NDEL1: variants seen among roughly 807,000 people sequenced by gnomAD.
The protein encoded by NDEL1 is nudE neurodevelopment protein 1 like 1, also known as nuclear distribution protein nudE-like 1.
In NDEL1, 9 loss-of-function variants were observed where a neutral mutation model predicts 45.7. The observed-to-expected ratio is 0.20, with a 90% CI of 0.12 to 0.34. The LOEUF is 0.34. Ranked by LOEUF, NDEL1 falls within the 10% of genes least tolerant of loss-of-function variation. The pLI, the probability that NDEL1 is intolerant of heterozygous loss-of-function variation, is 1.00. For missense variants in NDEL1, 306 were observed against 406.2 expected, an observed-to-expected ratio of 0.75 and a Z score of 2.12; for synonymous variants, 133 against 158.6, an observed-to-expected ratio of 0.84 and a Z score of 1.21.
At chr17:8,460,908 T>C (rs1168785288) in intron 8 of NDEL1, among the ~76,000 whole-genome samples, 2 of 152,246 alleles carry the variant, frequency 1.3e-5, no homozygotes, top group Non-Finnish European at 2.9e-5. Flanking sequence ...TTCCATGTCA[T>C]GTATATTATT....
chr17:8,418,049 G>A lies in NDEL1; in HGVS notation c.-13+4780G>A, dbSNP rs186585037. ...CCTCCAGTTACTGAGACTTTCTGGAGTTAGAGGCCCAGCACTGCTTGCTTC... is the reference window on the plus strand; with the variant it reads ...CCTCCAGTTACTGAGACTTTCTGGAATTAGAGGCCCAGCACTGCTTGCTTC... On this transcript the variant is annotated intron_variant, in intron 1 of 4. Transcript: ENST00000582812. Among the ~76,000 whole-genome samples, 670 of 152,314 alleles carry A rather than the reference G, an allele frequency of 4.4e-3. 6 individuals carry two copies. The highest frequency in any genetic ancestry group is 0.041 in the Middle Eastern group (12 of 294).
In NDEL1 at chr17:8,450,960, A is replaced by G. The variant is rs1362491488; in HGVS notation, c.700+7A>G. 1.2e-6 allele frequency: 2 copies of G among 1,601,268 alleles called. No homozygotes were observed. Among genetic ancestry groups the G allele is most frequent in the Non-Finnish European group, 1.7e-6 (2 of 1,175,308 alleles). On this transcript the variant is annotated splice_region_variant and intron_variant, in intron 6 of 8. Coordinates refer to ENST00000334527, the MANE Select transcript of NDEL1 (RefSeq NM_030808.5). ...ACTTTTCCTTCACCGAAAGGTTTGT[A>G]ATGTCTTTTCTTTTTGAGGCGATGT...
intron 3 of NDEL1, chr17:8,446,092 G>A (rs2151717664): frequency 2.9e-6 from 1 of 339,454 alleles, no homozygotes. Context: ...TAGCTATAAT[G>A]TTCCTAGCTA....
intron 7 of NDEL1, among the ~76,000 whole-genome samples, chr17:8,457,901 A>G (rs1266539134): frequency 6.6e-6 from 1 of 152,240 alleles, no homozygotes; most frequent in Admixed American, 6.5e-5. Context: ...TATGTGTTAT[A>G]CAGGTATACT....
At chr17:8,469,861 A>ATTTTTTTTTTT (rs762773754), downstream of NDEL1, among the ~76,000 whole-genome samples, 10 of 128,606 alleles carry the variant, frequency 7.8e-5, no homozygotes, top group South Asian at 2.5e-4. Flanking sequence ...TGCCTGGCTA[A>ATTTTTTTTTTT]TTTTTTTTTT....
chr17:8,417,292 T>C (rs1009456075), intron 1 of NDEL1, among the ~76,000 whole-genome samples: 5 of 152,094 alleles, frequency 3.3e-5, no homozygotes, highest in Admixed American at 3.3e-4. Context: ...GATTTTTGTA[T>C]TTTGACCTCA....
upstream of NDEL1, among the ~76,000 whole-genome samples, chr17:8,432,356 ATAAAT>A (rs1260731129): frequency 0.015 from 454 of 29,524 alleles, 41 homozygotes; most frequent in Middle Eastern, 0.11. Flanking sequence ...AAATATAAAT[ATAAAT>A]ATATATATAT....
intron 1 of NDEL1, among the ~76,000 whole-genome samples, chr17:8,436,959 A>G (rs1360439922): frequency 1.3e-5 from 2 of 152,128 alleles, no homozygotes; most frequent in Non-Finnish European, 2.9e-5. Flanking sequence ...GGATTTTTAT[A>G]CCCTTCTCAG....
In NDEL1 at chr17:8,416,276, A is replaced by G. The variant is rs528404629; in HGVS notation, c.-13+3007A>G. 2.0e-5 allele frequency among the ~76,000 whole-genome samples: 3 copies of G among 152,318 alleles called. No individual in the cohort carries two copies. In the South Asian group the frequency reaches 6.2e-4, roughly 32 times the overall value. On this transcript the variant is annotated intron_variant, in intron 1 of 4. Transcript: ENST00000582812. ...CTTCTAATTACCTCATATGAGGAGA[A>G]TCATACAGTACTTGTCTGTTTGTAT... is the stretch of plus-strand genomic sequence containing the variant.
intron 1 of NDEL1, among the ~76,000 whole-genome samples, chr17:8,422,153 G>C (rs1908720940): frequency 6.6e-6 from 1 of 152,176 alleles, no homozygotes; most frequent in Admixed American, 6.5e-5. Flanking sequence ...TTGATCCTCT[G>C]CTCTATGTCT....
intron 3 of NDEL1, among the ~76,000 whole-genome samples, chr17:8,473,486 C>T (rs954903475): frequency 2.0e-4 from 30 of 152,154 alleles, no homozygotes; most frequent in Admixed American, 1.9e-3. Context: ...ATGCCCAGCC[C>T]AGAGTTCTTA....
chr17:8,434,954 C>T (rs1482287276), upstream of NDEL1, among the ~76,000 whole-genome samples: 2 of 152,138 alleles, frequency 1.3e-5, no homozygotes, highest in South Asian at 2.1e-4. Context: ...CCTGTAATCC[C>T]AGCTACTAGG....
chr17:8,442,295 G>A (rs1196694651), intron 1 of NDEL1, among the ~76,000 whole-genome samples: 2 of 152,192 alleles, frequency 1.3e-5, no homozygotes, highest in African/African-American at 4.8e-5. Flanking sequence ...TAAGGTGGAA[G>A]TAAACTACCC....
chr17:8,450,329 A>C (rs1478332427), intron 5 of NDEL1, among the ~76,000 whole-genome samples: 1 of 152,134 alleles, frequency 6.6e-6, no homozygotes. Context: ...AGCATGAGAA[A>C]AATTTAAACC....
At chr17:8,432,482 TCATGC>T (rs1324135807), upstream of NDEL1, among the ~76,000 whole-genome samples, 1 of 150,918 alleles carries the variant, frequency 6.6e-6, no homozygotes, top group Non-Finnish European at 1.5e-5. Flanking sequence ...CCTCCCGGGT[TCATGC>T]CATTCTCCTG....
rs749583438 is a variant in NDEL1 at position 8,445,883 on chromosome 17, G to C, written c.240+19G>C. ...ATTAAAGGTAATTGCAGCAGTAGAC[G>C]CTGGGGTCTAATGTGTTGAGTTTTA... On this transcript the variant is annotated intron_variant, in intron 3 of 8. Coordinates refer to ENST00000334527, the MANE Select transcript of NDEL1 (RefSeq NM_030808.5). The C allele has an allele frequency of 1.6e-5, 23 of 1,479,320 alleles. No individual in the cohort carries two copies. The Admixed American group carries it at 6.0e-4, about 38-fold the overall frequency. 91.6% of individuals were successfully genotyped at this position (1,479,320 alleles called of 1,614,324 possible).
In NDEL1 at chr17:8,454,817, C is replaced by G; in HGVS notation, c.722C>G (p.Thr241Ser). 1 of 1,613,654 alleles carries G rather than the reference C, an allele frequency of 6.2e-7. No individual in the cohort carries two copies. Among genetic ancestry groups the G allele is most frequent in the Non-Finnish European group, 8.5e-7 (1 of 1,179,748 alleles). ...CTAGCTATACCAAATGGTTTTGGTA[C>G]CAGTCCACTAACTCCCTCTGCTAGG... The part of the protein sequence containing the change: ...SPKAIPNGFG[T>S]SPLTPSARIS... Residue 241 changes from threonine to serine, a missense_variant, in exon 7 of 9, where the codon ACC (threonine) becomes AGC (serine). By Grantham distance (58) the Thr-to-Ser change is moderately conservative. Transcript: ENST00000334527.
intron 6 of NDEL1, 120 bp from the exon 7 acceptor site, chr17:8,454,676 A>G (rs1910720214): frequency 1.1e-5 from 8 of 704,990 alleles, no homozygotes; most frequent in South Asian, 7.2e-5. Flanking sequence ...TACTTTATCC[A>G]TAGTTTGAAG....
At chr17:8,441,558 A>G (rs975604655) in intron 1 of NDEL1, among the ~76,000 whole-genome samples, 1 of 152,254 alleles carries the variant, frequency 6.6e-6, no homozygotes, top group African/African-American at 2.4e-5. Flanking sequence ...AATGCTTTAT[A>G]TAAGGATCAG....
Sources: allele counts gnomAD v4.1 joint callset (sites outside exome capture counted in the v4.1 genomes callset), GRCh38; gene constraint gnomAD v4.1.1; transcripts MANE v1.5; gene names NCBI Gene and HGNC (gene_info 2026-07-23, HGNC 2026-07-21).